Variants in RAD51B observed in about 807,000 individuals in gnomAD.
RAD51B encodes the protein DNA repair protein RAD51 homolog 2.
A neutral mutation model predicts 42.2 loss-of-function variants in RAD51B; 38 were observed. The ratio of observed to expected loss-of-function variants is 0.90; its 90% CI spans 0.70 to 1.18. The LOEUF is 1.18. Ranked by LOEUF, RAD51B falls within the 50% of genes most tolerant of loss-of-function variation. The probability of loss-of-function intolerance (pLI) is 0.00; values close to 1 mark genes in which losing one functional copy is unlikely to be tolerated. For missense variants in RAD51B, 373 were observed against 400.7 expected, an observed-to-expected ratio of 0.93 and a Z score of 0.59; for synonymous variants, 154 against 145.2, an observed-to-expected ratio of 1.06 and a Z score of -0.43.
chr14:68,243,352 T>C (rs2080431706), intron 7 of RAD51B, among the ~76,000 whole-genome samples: 1 of 152,234 alleles, frequency 6.6e-6, no homozygotes, highest in South Asian at 2.1e-4. Flanking sequence ...TATGCACACT[T>C]TTAGGCAGAA....
At chr14:68,569,690 A>G (rs1889597468) in intron 10 of RAD51B, among the ~76,000 whole-genome samples, 1 of 152,092 alleles carries the variant, frequency 6.6e-6, no homozygotes, top group South Asian at 2.1e-4. Context: ...CTCCTTGGAG[A>G]TGGGAATGCC....
At chr14:68,236,053 A>C (rs1190471855) in intron 7 of RAD51B, among the ~76,000 whole-genome samples, 3 of 152,128 alleles carry the variant, frequency 2.0e-5, no homozygotes, top group Admixed American at 2.0e-4. Flanking sequence ...ACCAGGGCCT[A>C]CTTGAGGGTG....
Position 68,670,078 on chromosome 14 carries a change from G to A in RAD51B, c.*11+19222G>A, listed in dbSNP as rs573212202. On this transcript the variant is annotated intron_variant, in intron 11 of 11. Coordinates refer to the RAD51B transcript ENST00000488612. ...ATGGCAGCCAGAGAAGATTAGACAC[G>A]CTGCCGAGAGAACCGTCCCGATGAC... 3.3e-5 allele frequency among the ~76,000 whole-genome samples: 5 copies of A among 152,338 alleles called. No homozygotes were observed. The East Asian group carries it at 5.8e-4, about 18-fold the overall frequency.
At chr14:67,862,774 C>A (rs2042204598) in intron 4 of RAD51B, among the ~76,000 whole-genome samples, 1 of 152,030 alleles carries the variant, frequency 6.6e-6, no homozygotes, top group African/African-American at 2.4e-5. Context: ...TCATTATTAT[C>A]ATTGCTCTAC....
chr14:67,947,370 C>T (rs1283895525), intron 7 of RAD51B, among the ~76,000 whole-genome samples: 1 of 152,072 alleles, frequency 6.6e-6, no homozygotes, highest in African/African-American at 2.4e-5. Flanking sequence ...ATAAATCGCT[C>T]TTTTGATGTG....
At position 68,446,951 on chromosome 14, in the gene RAD51B, T is replaced by C. The variant is rs568226589; in HGVS notation, c.958-21221T>C. Among the ~76,000 whole-genome samples the C allele has an allele frequency of 2.0e-5, 3 of 152,286 alleles. No individual in the cohort carries two copies. In the South Asian group the frequency reaches 6.2e-4, roughly 32 times the overall value. On this transcript the variant is annotated intron_variant, in intron 9 of 10. Coordinates refer to ENST00000471583, the MANE Select transcript of RAD51B (RefSeq NM_133510.4). ...CACATATTAAGCTGGGTGCGGTGGCTCATGCCTGTAATCCCAGCACTTTAG... is the reference window on the plus strand; with the variant it reads ...CACATATTAAGCTGGGTGCGGTGGCCCATGCCTGTAATCCCAGCACTTTAG...
Position 67,825,463 on chromosome 14 carries a change from G to C in RAD51B, c.85-1G>C, listed in dbSNP as rs1015061817. The C allele has an allele frequency of 4.4e-6, 7 of 1,598,182 alleles. No homozygotes were observed. In the African/African-American group the frequency reaches 8.1e-5, roughly 18 times the overall value. The stretch of plus-strand genomic sequence containing the variant: ...AAAATACTCTCTTTATGTTTCTTTA[G>C]GACTTTTTATGTCTTTCCCCACTGG... On this transcript the variant is annotated splice_acceptor_variant, in intron 2 of 10. Transcript: ENST00000471583. LOFTEE classifies it high-confidence loss of function.
At chr14:68,304,486 G>T (rs1474317344) in intron 8 of RAD51B, among the ~76,000 whole-genome samples, 1 of 152,196 alleles carries the variant, frequency 6.6e-6, no homozygotes, top group African/African-American at 2.4e-5. Flanking sequence ...AACTACCTCA[G>T]CTAGAGCTTA....
chr14:68,679,108 A>G (rs1427515937), intron 11 of RAD51B, among the ~76,000 whole-genome samples: 2 of 152,196 alleles, frequency 1.3e-5, no homozygotes, highest in Non-Finnish European at 2.9e-5. Context: ...GTCTTATACT[A>G]TATTTCAAAA....
intron 11 of RAD51B, among the ~76,000 whole-genome samples, chr14:68,656,004 C>A (rs980671860): frequency 2.0e-5 from 3 of 152,222 alleles, no homozygotes; most frequent in African/African-American, 7.2e-5. Flanking sequence ...ATCCATCCAT[C>A]TGATATCTGC....
chr14:68,612,843 G>A (rs994813590), downstream of RAD51B, among the ~76,000 whole-genome samples: 2 of 151,006 alleles, frequency 1.3e-5, no homozygotes, highest in Admixed American at 6.6e-5. Context: ...GGGAAGGAAG[G>A]AGGGAGAGGG....
chr14:68,486,943 A>C (rs1312308107), intron 10 of RAD51B, among the ~76,000 whole-genome samples: 1 of 152,200 alleles, frequency 6.6e-6, no homozygotes, highest in Non-Finnish European at 1.5e-5. Context: ...CCACTGGAGA[A>C]ACCATAGACC....
chr14:68,089,562 G>A (rs2077055212), intron 7 of RAD51B, among the ~76,000 whole-genome samples: 1 of 152,094 alleles, frequency 6.6e-6, no homozygotes, highest in South Asian at 2.1e-4. Context: ...ATAAAATACT[G>A]TGCTTCAAAC....
At chr14:68,176,341 G>C (rs1199541960) in intron 7 of RAD51B, among the ~76,000 whole-genome samples, 1 of 152,120 alleles carries the variant, frequency 6.6e-6, no homozygotes, top group Non-Finnish European at 1.5e-5. Flanking sequence ...TTCAAACCCA[G>C]GTCCAACTAA....
intron 8 of RAD51B, among the ~76,000 whole-genome samples, chr14:68,369,942 C>G (rs2083220199): frequency 6.6e-6 from 1 of 152,186 alleles, no homozygotes; most frequent in Non-Finnish European, 1.5e-5. Flanking sequence ...TGGCCTTGGA[C>G]AATGTCCAGG....
At chr14:68,295,871 A>G (rs1349636192) in intron 8 of RAD51B, among the ~76,000 whole-genome samples, 1 of 152,058 alleles carries the variant, frequency 6.6e-6, no homozygotes, top group African/African-American at 2.4e-5. Context: ...GACAGGGTAG[A>G]CCTTGCCCCC....
intron 7 of RAD51B, among the ~76,000 whole-genome samples, chr14:68,051,428 A>G (rs949840415): frequency 6.6e-6 from 1 of 152,134 alleles, no homozygotes; most frequent in Non-Finnish European, 1.5e-5. Flanking sequence ...TGCTATATAA[A>G]TATGCTGTAG....
At chr14:68,127,282 G>C (rs1327524331) in intron 7 of RAD51B, among the ~76,000 whole-genome samples, 2 of 152,068 alleles carry the variant, frequency 1.3e-5, no homozygotes, top group African/African-American at 4.8e-5. Flanking sequence ...TTCCTCCTGA[G>C]TGGTCTGTTC....
At chr14:68,444,160 G>A (rs933271400) in intron 9 of RAD51B, among the ~76,000 whole-genome samples, 2 of 152,178 alleles carry the variant, frequency 1.3e-5, no homozygotes, top group African/African-American at 2.4e-5. Context: ...CCTGCTGACT[G>A]CCTCCCTGTC....
Sources: gnomAD v4.1 joint callset for allele counts (sites outside exome capture counted in the v4.1 genomes callset) on GRCh38, gnomAD v4.1.1 for gene constraint, MANE v1.5 for transcripts, NCBI Gene and HGNC (gene_info 2026-07-23, HGNC 2026-07-21) for gene names.